RIN2: variants seen among roughly 807,000 people sequenced by gnomAD.
The protein encoded by RIN2 is RAB5 interacting protein 2.
Under a neutral mutation model 78.0 loss-of-function variants are expected in RIN2, and 36 were observed. The ratio of observed to expected loss-of-function variants is 0.46; its 90% CI spans 0.35 to 0.61. The LOEUF (loss-of-function observed/expected upper bound fraction) is 0.61, where lower values mean the gene tolerates loss of function less well. Ranked by LOEUF, RIN2 falls within the 20% of genes least tolerant of loss-of-function variation. The pLI is 0.00. For synonymous variants in RIN2, 466 were observed against 466.8 expected (o/e 1.00, Z 0.02); for missense variants, 1,087 against 1,159.7 (o/e 0.94, Z 0.91).
At chr20:19,998,191 A>T (rs1238075947) in intron 12 of RIN2, among the ~76,000 whole-genome samples, 1 of 152,058 alleles carries the variant, frequency 6.6e-6, no homozygotes, top group East Asian at 2.0e-4. Flanking sequence ...CGTGGTGGCC[A>T]GGCTGGACTC....
At chr20:19,930,874 G>A (rs768291472) in intron 3 of RIN2, among the ~76,000 whole-genome samples, 5 of 152,080 alleles carry the variant, frequency 3.3e-5, no homozygotes, top group Admixed American at 6.5e-5. Context: ...AGTACTTTAA[G>A]CATACAGAAA....
chr20:19,983,705 C>A (rs991008942), intron 9 of RIN2, among the ~76,000 whole-genome samples: 1 of 152,078 alleles, frequency 6.6e-6, no homozygotes, highest in East Asian at 1.9e-4. Flanking sequence ...TTAGGAAGTA[C>A]GCATGCAGAA....
At chr20:19,834,121 G>A (rs1390333855) in intron 2 of RIN2, among the ~76,000 whole-genome samples, 1 of 152,132 alleles carries the variant, frequency 6.6e-6, no homozygotes, top group Non-Finnish European at 1.5e-5. Context: ...ATCATTTAGT[G>A]ACTCCTGCTA....
At chr20:19,890,575 A>G (rs1198163632) in intron 3 of RIN2, among the ~76,000 whole-genome samples, 2 of 150,604 alleles carry the variant, frequency 1.3e-5, no homozygotes, top group Non-Finnish European at 3.0e-5. Flanking sequence ...TATGTTTAAC[A>G]ATTAACCAAC....
chr20:19,846,826 G>T (rs540247461), intron 2 of RIN2, among the ~76,000 whole-genome samples: 9 of 152,242 alleles, frequency 5.9e-5, no homozygotes, highest in African/African-American at 2.2e-4. Flanking sequence ...TCCAGTTTTT[G>T]CCCATTCAGT....
At chr20:19,760,500 C>G (rs1328491597) in intron 1 of RIN2, among the ~76,000 whole-genome samples, 1 of 152,114 alleles carries the variant, frequency 6.6e-6, no homozygotes, top group African/African-American at 2.4e-5. Context: ...CACTCTTATC[C>G]CCACCCAAGG....
intron 9 of RIN2, among the ~76,000 whole-genome samples, chr20:19,986,579 G>A (rs2042630115): frequency 6.6e-6 from 1 of 152,094 alleles, no homozygotes; most frequent in East Asian, 1.9e-4. Context: ...CCCCTCCCTG[G>A]CAGCAAGGAT....
At chr20:19,933,415 G>T (rs2040512249) in intron 3 of RIN2, among the ~76,000 whole-genome samples, 1 of 152,088 alleles carries the variant, frequency 6.6e-6, no homozygotes. Context: ...GCTTAAAAAA[G>T]ACTTGCCCTG....
chr20:19,861,766 T>C lies in RIN2; in HGVS notation c.-36-27800T>C, dbSNP rs576691060. On this transcript the variant is annotated intron_variant, in intron 2 of 12. Coordinates refer to ENST00000255006, the MANE Select transcript of RIN2 (RefSeq NM_018993.4). ...ATATCCGATGATCACCCTCCATATC[T>C]GATGATCACCCTCCATATCTGATGA... 2.3e-4 allele frequency among the ~76,000 whole-genome samples: 34 copies of C among 150,772 alleles called. No individual in the cohort carries two copies. In the South Asian group the frequency reaches 4.9e-3, roughly 22 times the overall value.
chr20:19,885,005 G>A (rs1303582806), intron 2 of RIN2, among the ~76,000 whole-genome samples: 4 of 152,108 alleles, frequency 2.6e-5, no homozygotes, highest in Admixed American at 1.3e-4. Context: ...ACTGAAGTCC[G>A]TGCTGCCCGG....
chr20:19,797,591 G>T (rs186913078), intron 1 of RIN2, among the ~76,000 whole-genome samples: 29 of 152,312 alleles, frequency 1.9e-4, no homozygotes, highest in African/African-American at 6.7e-4. Context: ...TATTAGTAAA[G>T]ATTAGAAGAC....
chr20:19,781,345 A>G (rs948910446), intron 1 of RIN2, among the ~76,000 whole-genome samples: 2 of 152,196 alleles, frequency 1.3e-5, no homozygotes, highest in African/African-American at 2.4e-5. Context: ...AAGAAAGAGA[A>G]CATCGATAAT....
At chr20:19,869,198 A>G (rs375490899) in intron 2 of RIN2, among the ~76,000 whole-genome samples, 3 of 152,142 alleles carry the variant, frequency 2.0e-5, no homozygotes, top group African/African-American at 7.2e-5. Context: ...GAGAGGGATT[A>G]GAAATGCAAA....
At position 19,960,885 on chromosome 20, in the gene RIN2, G is replaced by A. The variant is rs557613674; in HGVS notation, c.463+74G>A. The A allele has an allele frequency of 5.4e-4, 508 of 933,410 alleles. 4 individuals are homozygous for A. In the African/African-American group the frequency reaches 7.7e-3, roughly 14 times the overall value. 57.8% of individuals were successfully genotyped at this position (933,410 alleles called of 1,614,324 possible). On this transcript the variant is annotated intron_variant, in intron 6 of 12. Coordinates refer to ENST00000255006, the MANE Select transcript of RIN2 (RefSeq NM_018993.4). ...TCTGCAGGGAGTGGAAATGGAAGGAGCTCTGGTTATGAGATGGGCAGATAT... is the reference window on the plus strand; with the variant it reads ...TCTGCAGGGAGTGGAAATGGAAGGAACTCTGGTTATGAGATGGGCAGATAT...
chr20:19,872,752 A>T (rs2037726695), intron 2 of RIN2, among the ~76,000 whole-genome samples: 1 of 152,208 alleles, frequency 6.6e-6, no homozygotes, highest in South Asian at 2.1e-4. Flanking sequence ...AAAACTTTTT[A>T]AAAACTACAT....
chr20:19,957,680 C>CAAA (rs556316406), intron 5 of RIN2, among the ~76,000 whole-genome samples: 4 of 147,074 alleles, frequency 2.7e-5, no homozygotes, highest in Admixed American at 6.8e-5. Flanking sequence ...CTGTCCCCCC[C>CAAA]AAAAAAAAAA....
At chr20:19,959,076 C>A (rs138643474) in intron 5 of RIN2, among the ~76,000 whole-genome samples, 110 of 152,196 alleles carry the variant, frequency 7.2e-4, no homozygotes, top group African/African-American at 2.6e-3. Flanking sequence ...GCTTTGCAGG[C>A]CATAGAGTCT....
At chr20:19,870,146 C>T (rs1023219865) in intron 2 of RIN2, among the ~76,000 whole-genome samples, 1 of 152,154 alleles carries the variant, frequency 6.6e-6, no homozygotes, top group Non-Finnish European at 1.5e-5. Flanking sequence ...TTCTGAAGAA[C>T]ATGGAGGTTC....
At position 19,873,127 on chromosome 20, in the gene RIN2, A is replaced by AT. The variant is rs71198031; in HGVS notation, c.-36-16435dup. On this transcript the variant is annotated intron_variant, in intron 2 of 12. Transcript: ENST00000255006. ...GTTTTATTTTATTATTTTTATTTTT[A>AT]TTTTATTTTATTTTTGAGACAGAGT... Among the ~76,000 whole-genome samples the AT allele has an allele frequency of 2.0e-5, 3 of 151,000 alleles. No individual in the cohort carries two copies. In the South Asian group the frequency reaches 6.3e-4, roughly 31 times the overall value.
Sources: allele counts gnomAD v4.1 joint callset (sites outside exome capture counted in the v4.1 genomes callset), GRCh38; gene constraint gnomAD v4.1.1; transcripts MANE v1.5; gene names NCBI Gene and HGNC (gene_info 2026-07-23, HGNC 2026-07-21).